The following EXOC4 variants were observed in gnomAD, a reference collection of about 807,000 sequenced individuals.
EXOC4 encodes the protein SEC8-like 1.
EXOC4 carries 71 observed loss-of-function variants against 107.2 expected under a neutral mutation model. The observed-to-expected ratio is 0.66, with a 90% CI of 0.55 to 0.81. The LOEUF (loss-of-function observed/expected upper bound fraction) is 0.81, where lower values mean the gene tolerates loss of function less well. Ranked by LOEUF, EXOC4 falls within the 30% of genes least tolerant of loss-of-function variation. The pLI, the probability that EXOC4 is intolerant of heterozygous loss-of-function variation, is 0.00. For synonymous variants in EXOC4, 456 were observed against 441.2 expected, an observed-to-expected ratio of 1.03 and a Z score of -0.42; for missense variants, 1,108 against 1,189.6, an observed-to-expected ratio of 0.93 and a Z score of 1.01.
chr7:133,864,443 G>A (rs1467152063), intron 11 of EXOC4, among the ~76,000 whole-genome samples: 2 of 152,020 alleles, frequency 1.3e-5, no homozygotes, highest in East Asian at 3.9e-4. Flanking sequence ...AAGGCTTTCA[G>A]GGAGTCTCAT....
chr7:133,445,193 C>A (rs1301354214), intron 7 of EXOC4, among the ~76,000 whole-genome samples: 1 of 152,076 alleles, frequency 6.6e-6, no homozygotes, highest in Non-Finnish European at 1.5e-5. Flanking sequence ...ATTATAGAAT[C>A]TACTCAAGTG....
chr7:134,077,642 A>C, the EXOC4 span, among the ~76,000 whole-genome samples: 45 of 152,188 alleles, frequency 3.0e-4, no homozygotes, highest in Non-Finnish European at 5.3e-4. Flanking sequence ...ACTTCACAAA[A>C]GGGGGTGGGC....
At chr7:133,617,654 G>T (rs561854869) in intron 9 of EXOC4, among the ~76,000 whole-genome samples, 1 of 151,954 alleles carries the variant, frequency 6.6e-6, no homozygotes, top group Non-Finnish European at 1.5e-5. Context: ...TCTACATAAA[G>T]CATATGGATC....
chr7:133,505,640 G>T (rs191020874), intron 9 of EXOC4, among the ~76,000 whole-genome samples: 1 of 151,918 alleles, frequency 6.6e-6, no homozygotes, highest in African/African-American at 2.4e-5. Context: ...TAGATATCTC[G>T]TGCCCATTCT....
intron 11 of EXOC4, among the ~76,000 whole-genome samples, chr7:133,881,698 A>G (rs191754868): frequency 3.6e-4 from 55 of 152,280 alleles, no homozygotes; most frequent in Admixed American, 3.1e-3. Flanking sequence ...TTATTTATAT[A>G]TTTAATCAAT....
chr7:133,295,018 T>C (rs1269298811), intron 3 of EXOC4, among the ~76,000 whole-genome samples: 1 of 152,174 alleles, frequency 6.6e-6, no homozygotes, highest in Non-Finnish European at 1.5e-5. Flanking sequence ...TTAAACTGTG[T>C]ACATAAAGTA....
chr7:133,469,909 C>T (rs1798829977), intron 7 of EXOC4, among the ~76,000 whole-genome samples: 1 of 152,158 alleles, frequency 6.6e-6, no homozygotes, highest in Non-Finnish European at 1.5e-5. Context: ...CTTTACATGG[C>T]CAGTAGAGAA....
chr7:133,317,633 A>G (rs189865687), intron 5 of EXOC4, among the ~76,000 whole-genome samples: 2 of 152,188 alleles, frequency 1.3e-5, no homozygotes, highest in Admixed American at 6.5e-5. Context: ...TGCCTGCTGA[A>G]TCCAGCTGCA....
chr7:133,976,995 C>T (rs1793851274), intron 14 of EXOC4, among the ~76,000 whole-genome samples: 1 of 152,212 alleles, frequency 6.6e-6, no homozygotes, highest in East Asian at 1.9e-4. Context: ...TTCTCAATTT[C>T]ATACCTTTAA....
intron 9 of EXOC4, among the ~76,000 whole-genome samples, chr7:133,610,960 C>T (rs916998503): frequency 6.7e-6 from 1 of 149,928 alleles, no homozygotes; most frequent in Non-Finnish European, 1.5e-5. Flanking sequence ...CACAGGCATG[C>T]ACCACGATTC....
chr7:133,900,988 GC>G (rs1222947002), intron 12 of EXOC4, among the ~76,000 whole-genome samples: 1 of 152,090 alleles, frequency 6.6e-6, no homozygotes, highest in Non-Finnish European at 1.5e-5. Flanking sequence ...TCCTGCCTCA[GC>G]CTCCCAAATG....
intron 11 of EXOC4, among the ~76,000 whole-genome samples, chr7:133,880,214 T>C (rs1303143032): frequency 1.3e-5 from 2 of 152,204 alleles, no homozygotes; most frequent in East Asian, 3.8e-4. Context: ...CTGTTTCCTG[T>C]TCTAATTGAT....
intron 17 of EXOC4, among the ~76,000 whole-genome samples, chr7:134,043,980 G>A (rs534208644): frequency 1.1e-4 from 16 of 152,328 alleles, no homozygotes; most frequent in Admixed American, 5.9e-4. Flanking sequence ...GCCCTGGCCT[G>A]ATCGGTGATG....
At chr7:133,389,683 G>C (rs1314523419) in intron 7 of EXOC4, among the ~76,000 whole-genome samples, 3 of 151,554 alleles carry the variant, frequency 2.0e-5, no homozygotes, top group Non-Finnish European at 4.4e-5. Context: ...TTGAATTGAA[G>C]GTCTGTGTAT....
chr7:133,540,841 C>T (rs1800365886), intron 9 of EXOC4, among the ~76,000 whole-genome samples: 1 of 152,130 alleles, frequency 6.6e-6, no homozygotes, highest in Non-Finnish European at 1.5e-5. Context: ...TCTCTATTTA[C>T]TGCTCATCAG....
chr7:133,580,542 A>AAATCTTAAGTTACAAAAAGTT (rs1386617867), intron 9 of EXOC4, among the ~76,000 whole-genome samples: 4 of 152,194 alleles, frequency 2.6e-5, no homozygotes, highest in Non-Finnish European at 5.9e-5. Flanking sequence ...TTAAGTTACA[A>AAATCTTAAGTTACAAAAAGTT]AAGTTGCGTA....
intron 7 of EXOC4, among the ~76,000 whole-genome samples, chr7:133,433,008 G>A (rs1054888616): frequency 2.0e-5 from 3 of 152,238 alleles, no homozygotes; most frequent in Admixed American, 6.5e-5. Context: ...CCGTTTATAC[G>A]ATATAATACC....
intron 7 of EXOC4, among the ~76,000 whole-genome samples, chr7:133,431,630 G>T (rs923122392): frequency 1.3e-5 from 2 of 152,150 alleles, no homozygotes; most frequent in African/African-American, 4.8e-5. Flanking sequence ...AGTAATATAT[G>T]TGTAAATTAA....
the EXOC4 span, among the ~76,000 whole-genome samples, chr7:134,085,611 G>A: frequency 6.6e-6 from 1 of 152,154 alleles, no homozygotes; most frequent in Non-Finnish European, 1.5e-5. Flanking sequence ...CATCTCCTTA[G>A]AATTGTCACA....
Sources: allele counts gnomAD v4.1 joint callset (sites outside exome capture counted in the v4.1 genomes callset), GRCh38; gene constraint gnomAD v4.1.1; transcripts MANE v1.5; gene names NCBI Gene and HGNC (gene_info 2026-07-23, HGNC 2026-07-21).